ZBTB7A: variants seen among roughly 807,000 people sequenced by gnomAD.
ZBTB7A encodes the protein zinc finger and BTB domain containing 7A, also known as zinc finger and BTB domain-containing protein 7A.
In ZBTB7A, 7 loss-of-function variants were observed where a neutral mutation model predicts 26.7. That is an observed-to-expected ratio of 0.26 (90% confidence interval 0.15 to 0.49). ZBTB7A has a LOEUF of 0.49. Among genes scored for constraint, ZBTB7A ranks in the 20% least tolerant of loss-of-function variants. ZBTB7A has a pLI of 0.98. For synonymous variants in ZBTB7A, 452 were observed against 441.0 expected (o/e 1.02, Z -0.31); for missense variants, 617 against 919.5 (o/e 0.67, Z 4.25).
In ZBTB7A at chr19:4,046,432, C is replaced by CTTTTTTTTTTT. The variant is rs10535792; in HGVS notation, c.*1309_*1319dup. 4 of 118,110 alleles carry CTTTTTTTTTTT rather than the reference C, an allele frequency of 3.4e-5. No individual in the cohort carries two copies. Among genetic ancestry groups the CTTTTTTTTTTT allele is most frequent in the Non-Finnish European group, 5.2e-5 (3 of 57,514 alleles). 7.3% of individuals were successfully genotyped at this position (118,110 alleles called of 1,614,324 possible). ...TCTCTCTCGCTCTCTCTCTCGCTCG[C>CTTTTTTTTTTT]TTTTTTTTTTTTTTTTTGTCTTTTC... On this transcript the variant is annotated 3_prime_UTR_variant, in exon 3 of 3. Coordinates refer to ENST00000322357, the MANE Select transcript of ZBTB7A (RefSeq NM_015898.4).
At chr19:4,057,176 T>C (rs569763663) in intron 1 of ZBTB7A, among the ~76,000 whole-genome samples, 1 of 146,162 alleles carries the variant, frequency 6.8e-6, no homozygotes, top group Non-Finnish European at 1.5e-5. Flanking sequence ...TGGTGAAATC[T>C]CGTCTCTACT....
intron 2 of ZBTB7A, 37 bp downstream of exon 2, chr19:4,053,934 G>GAGC: frequency 6.4e-7 from 1 of 1,554,288 alleles, no homozygotes; most frequent in Non-Finnish European, 8.7e-7. Context: ...CTGGGGCAGA[G>GAGC]AGCAGGACGG....
chr19:4,058,599 C>A (rs559463599), intron 1 of ZBTB7A, among the ~76,000 whole-genome samples: 1 of 152,330 alleles, frequency 6.6e-6, no homozygotes, highest in Admixed American at 6.5e-5. Flanking sequence ...GCCGGTGGCT[C>A]TCGGGCCAGA....
Position 4,048,118 on chromosome 19 carries a change from C to T in ZBTB7A, c.1389G>A (p.Leu463=). The T allele has an allele frequency of 6.2e-7, 1 of 1,611,300 alleles. No individual in the cohort carries two copies. Among genetic ancestry groups the T allele is most frequent in the South Asian group, 1.1e-5 (1 of 90,772 alleles). Residue 463 remains leucine, a synonymous_variant, in exon 3 of 3, where the codon CTG becomes CTA. Coordinates refer to ENST00000322357, the MANE Select transcript of ZBTB7A (RefSeq NM_015898.4). This position sits in a 1 kb window ranked among gnomAD's most constrained non-coding sequence, Gnocchi z 6.7. ...LKNHMRVHTG[L]RPYQCDSCCK... is the part of the protein sequence containing the mutation. ...AGCAGCTGTCGCACTGGTAGGGGCG[C>T]AGGCCCGTGTGCACGCGCATGTGGT...
In ZBTB7A at chr19:4,054,595, T is replaced by C; in HGVS notation, c.638A>G (p.Asp213Gly). Residue 213 changes from aspartate to glycine, a missense_variant, in exon 2 of 3, where the codon GAC (aspartate) becomes GGC (glycine). By Grantham distance (94) the Asp-to-Gly change is moderately conservative (BLOSUM62 -1). Transcript: ENST00000322357. ...CCCATAGAAGTCTAAGCCGTTGCAG[T>C]CGCCCGCGGCCACGGCGGCCACAGC... ...AAAVAAVAAGDCNGLDFYGPG... is the reference protein window; with the variant it reads ...AAAVAAVAAGGCNGLDFYGPG... 1 of 1,570,024 alleles carries C rather than the reference T, an allele frequency of 6.4e-7. No homozygotes were observed. The highest frequency in any genetic ancestry group is 8.6e-7 in the Non-Finnish European group (1 of 1,165,090).
chr19:4,056,577 T>C (rs1487660260), intron 1 of ZBTB7A, among the ~76,000 whole-genome samples: 10 of 151,774 alleles, frequency 6.6e-5, no homozygotes. Context: ...CTACTAAAAA[T>C]ACAAAAATTA....
intron 2 of ZBTB7A, among the ~76,000 whole-genome samples, chr19:4,049,506 C>T (rs1042269872): frequency 6.6e-6 from 1 of 151,930 alleles, no homozygotes; most frequent in Non-Finnish European, 1.5e-5. Flanking sequence ...CTGAAAATAC[C>T]GCAAGGAACA....
At position 4,059,607 on chromosome 19, in the gene ZBTB7A, G is replaced by A. The variant is rs2040618763; in HGVS notation, c.-15-4360C>T. ...ATGCCCGGCAGGGCTGACTCCCAGG[G>A]GCTGGGGGCCAGGAAATGATGGAGG... On this transcript the variant is annotated intron_variant, in intron 1 of 2. Coordinates refer to ENST00000322357, the MANE Select transcript of ZBTB7A (RefSeq NM_015898.4). Among the ~76,000 whole-genome samples the A allele has an allele frequency of 3.3e-5, 5 of 152,304 alleles. No individual in the cohort carries two copies. In the Middle Eastern group the frequency reaches 0.014, roughly 414 times the overall value.
chr19:4,059,959 C>T (rs2040622178), intron 1 of ZBTB7A, among the ~76,000 whole-genome samples: 1 of 152,108 alleles, frequency 6.6e-6, no homozygotes, highest in South Asian at 2.1e-4. Flanking sequence ...GTGGCGGTTT[C>T]GTTCCCCTCC....
chr19:4,047,584 A>C lies in ZBTB7A; in HGVS notation c.*168T>G. On this transcript the variant is annotated 3_prime_UTR_variant, in exon 3 of 3. Transcript: ENST00000322357. Reference sequence around the variant, plus strand: ...GGGAAATCTGAGAAAGCGCTACCCTAGATTCTGTGACGCGTCATATATATA... The same window carrying C: ...GGGAAATCTGAGAAAGCGCTACCCTCGATTCTGTGACGCGTCATATATATA... 4.2e-4 allele frequency: 186 copies of C among 445,912 alleles called. No individual in the cohort carries two copies. Among genetic ancestry groups the C allele is most frequent in the Middle Eastern group, 7.5e-4 (1 of 1,326 alleles). 27.6% of individuals were successfully genotyped at this position (445,912 alleles called of 1,614,324 possible).
rs1387266263 is a variant in ZBTB7A at position 4,054,849 on chromosome 19, G to A, written c.384C>T (p.Asp128=). The A allele has an allele frequency of 3.7e-6, 6 of 1,607,750 alleles. No individual in the cohort carries two copies. Among genetic ancestry groups the A allele is most frequent in the Non-Finnish European group, 8.5e-7 (1 of 1,177,136 alleles). ...AVSHVCADLL[D]RQILAADAGA... is the part of the protein sequence containing the mutation. Reference sequence around the variant, plus strand: ...CCGCGTCGGCCGCCAGGATCTGCCGGTCCAGGAGGTCGGCGCACACGTGGC... The same window carrying A: ...CCGCGTCGGCCGCCAGGATCTGCCGATCCAGGAGGTCGGCGCACACGTGGC... Residue 128 remains aspartate (D), a synonymous_variant, in exon 2 of 3, where the codon GAC becomes GAT. Transcript: ENST00000322357.
chr19:4,059,960 G>A (rs1054436749), intron 1 of ZBTB7A, among the ~76,000 whole-genome samples: 3 of 151,922 alleles, frequency 2.0e-5, no homozygotes, highest in Non-Finnish European at 2.9e-5. Context: ...TGGCGGTTTC[G>A]TTCCCCTCCT....
At chr19:4,060,711 G>A (rs888368351) in intron 1 of ZBTB7A, among the ~76,000 whole-genome samples, 10 of 152,206 alleles carry the variant, frequency 6.6e-5, no homozygotes, top group East Asian at 1.9e-4. Flanking sequence ...AAGGGGGACC[G>A]GCAGAGAGGA....
intron 1 of ZBTB7A, among the ~76,000 whole-genome samples, chr19:4,055,782 C>A (rs1199231317): frequency 6.6e-6 from 1 of 152,132 alleles, no homozygotes; most frequent in Non-Finnish European, 1.5e-5. Context: ...GAGATCACGC[C>A]ACTGCACTCC....
intron 2 of ZBTB7A, among the ~76,000 whole-genome samples, chr19:4,053,217 T>A (rs541065573): frequency 6.6e-6 from 1 of 152,360 alleles, no homozygotes; most frequent in South Asian, 2.1e-4. Context: ...TTGCATATGA[T>A]GTGGCTGTCA....
At chr19:4,060,963 C>T (rs1402309256) in intron 1 of ZBTB7A, among the ~76,000 whole-genome samples, 2 of 152,156 alleles carry the variant, frequency 1.3e-5, no homozygotes, top group African/African-American at 4.8e-5. Context: ...GTTCAAGCCT[C>T]GGCTCCCCCA....
At position 4,056,738 on chromosome 19, in the gene ZBTB7A, G is replaced by A. The variant is rs374461760; in HGVS notation, c.-15-1491C>T. 1.1e-4 allele frequency among the ~76,000 whole-genome samples: 16 copies of A among 152,182 alleles called. 1 individual carries two copies. The East Asian group carries it at 2.9e-3, about 28-fold the overall frequency. On this transcript the variant is annotated intron_variant, in intron 1 of 2. Transcript: ENST00000322357. ...CAAAAATAGATGGGCGTGATGGCACGTGCCTGTAATCCCAGCTACTCGGGA... is the reference window on the plus strand; with the variant it reads ...CAAAAATAGATGGGCGTGATGGCACATGCCTGTAATCCCAGCTACTCGGGA...
At chr19:4,065,700 C>T (rs1042631246) in intron 1 of ZBTB7A, 13 of 141,286 alleles carry the variant, frequency 9.2e-5, no homozygotes, top group African/African-American at 3.3e-4. Context: ...GCGCGGCCGC[C>T]CGGGCCGCCG....
At chr19:4,060,124 T>G (rs949024466) in intron 1 of ZBTB7A, among the ~76,000 whole-genome samples, 1 of 150,044 alleles carries the variant, frequency 6.7e-6, no homozygotes, top group East Asian at 1.9e-4. Flanking sequence ...TGGTGCTGAC[T>G]CGGCGGCCGA....
Sources: gnomAD v4.1 joint callset for allele counts (sites outside exome capture counted in the v4.1 genomes callset) on GRCh38, gnomAD v4.1.1 for gene constraint, Gnocchi (gnomAD v3.1) non-coding constraint, MANE v1.5 for transcripts, NCBI Gene and HGNC (gene_info 2026-07-23, HGNC 2026-07-21) for gene names.